Variants in RGS6 observed in about 807,000 individuals in gnomAD.
RGS6 encodes regulator of G-protein signaling 6.
In RGS6, 30 loss-of-function variants were observed where a neutral mutation model predicts 78.5. That is an observed-to-expected ratio of 0.38 (90% CI 0.29 to 0.52). RGS6 has a LOEUF of 0.52. RGS6 is among the 20% of genes least tolerant of loss of function. The probability of loss-of-function intolerance (pLI) is 0.85; values close to 1 mark genes in which losing one functional copy is unlikely to be tolerated. For synonymous variants in RGS6, 206 were observed against 206.0 expected (o/e 1.00, Z 0.00); for missense variants, 495 against 609.7 (o/e 0.81, Z 1.98).
intron 2 of RGS6, among the ~76,000 whole-genome samples, chr14:72,142,581 T>A (rs756606625): frequency 2.6e-5 from 4 of 152,140 alleles, no homozygotes; most frequent in Non-Finnish European, 4.4e-5. Context: ...CCAGCTGGTT[T>A]GGGAAGAGGG....
intron 2 of RGS6, among the ~76,000 whole-genome samples, chr14:72,024,205 A>G (rs1263203284): frequency 6.6e-6 from 1 of 152,186 alleles, no homozygotes; most frequent in African/African-American, 2.4e-5. Flanking sequence ...TAAGAACAGG[A>G]GGAAATAAAA....
intron 2 of RGS6, among the ~76,000 whole-genome samples, chr14:72,161,075 G>A (rs2096845872): frequency 6.6e-6 from 1 of 152,198 alleles, no homozygotes; most frequent in Non-Finnish European, 1.5e-5. Context: ...AAGAGGATGA[G>A]TTCGTGTCCT....
intron 2 of RGS6, among the ~76,000 whole-genome samples, chr14:72,053,712 A>G (rs2093464789): frequency 6.6e-6 from 1 of 152,252 alleles, no homozygotes; most frequent in Admixed American, 6.5e-5. Flanking sequence ...TGGTGAAACT[A>G]GAACACTGTC....
At chr14:72,614,170 G>A in the RGS6 span, among the ~76,000 whole-genome samples, 1 of 152,184 alleles carries the variant, frequency 6.6e-6, no homozygotes, top group African/African-American at 2.4e-5. Flanking sequence ...CCCAAACCCT[G>A]GGAATGCTCA....
chr14:72,463,301 CA>C (rs977008365), intron 6 of RGS6, among the ~76,000 whole-genome samples: 1 of 152,206 alleles, frequency 6.6e-6, no homozygotes, highest in African/African-American at 2.4e-5. Context: ...CTATTGTCAC[CA>C]GTAGTCACTA....
chr14:72,550,613 T>TG, intron 17 of RGS6: 2 of 1,531,902 alleles, frequency 1.3e-6, no homozygotes, highest in Non-Finnish European at 1.7e-6. Flanking sequence ...TGCTCTGTCC[T>TG]GGTTAATACT....
At chr14:72,551,060 G>A (rs984858088) in intron 17 of RGS6, among the ~76,000 whole-genome samples, 13 of 152,202 alleles carry the variant, frequency 8.5e-5, no homozygotes, top group South Asian at 4.2e-4. Flanking sequence ...GGCTGGTCTC[G>A]AACTCCTGGC....
intron 2 of RGS6, among the ~76,000 whole-genome samples, chr14:72,211,121 C>G (rs554957329): frequency 5.3e-5 from 8 of 152,280 alleles, no homozygotes; most frequent in South Asian, 2.1e-4. Context: ...GTCACTGACA[C>G]TAATCTTGGC....
At chr14:72,258,864 GT>G (rs1318570392) in intron 2 of RGS6, among the ~76,000 whole-genome samples, 1 of 152,214 alleles carries the variant, frequency 6.6e-6, no homozygotes, top group Non-Finnish European at 1.5e-5. Context: ...GGGTTAACAA[GT>G]TGTACCTTTT....
intron 2 of RGS6, among the ~76,000 whole-genome samples, chr14:72,197,553 A>AGGGTTAAAT (rs554332253): frequency 9.0e-4 from 137 of 152,360 alleles, no homozygotes; most frequent in African/African-American, 3.2e-3. Flanking sequence ...CCAGAGACCC[A>AGGGTTAAAT]GGGGACAATA....
the RGS6 span, among the ~76,000 whole-genome samples, chr14:71,879,364 A>G: frequency 9.2e-5 from 14 of 152,224 alleles, no homozygotes; most frequent in African/African-American, 1.4e-4. Context: ...GTGGCTTAAG[A>G]GAATTGACTT....
chr14:72,331,499 G>A (rs564465948), intron 2 of RGS6, among the ~76,000 whole-genome samples: 6 of 152,252 alleles, frequency 3.9e-5, no homozygotes, highest in South Asian at 2.1e-4. Flanking sequence ...GGAGTGCAGC[G>A]CAGAAAGCCA....
chr14:72,172,164 G>C (rs1171122682), intron 2 of RGS6, among the ~76,000 whole-genome samples: 1 of 151,928 alleles, frequency 6.6e-6, no homozygotes, highest in East Asian at 1.9e-4. Context: ...TTTCCTAATG[G>C]GCTGCGCTAG....
rs527564781 is a variant in RGS6, at chr14:72,233,339, C to G, written c.85-118756C>G. 1.6e-4 allele frequency among the ~76,000 whole-genome samples: 24 copies of G among 152,214 alleles called. No homozygotes were observed. The East Asian group carries it at 4.6e-3, about 29-fold the overall frequency. ...GCTGGACTCGAAGACCTTTATTTTC[C>G]ACTTGGCCTGGAGCGTCTGTGAGTC... On this transcript the variant is annotated intron_variant, in intron 2 of 17. Transcript: ENST00000553525.
At chr14:71,907,097 A>C in the RGS6 span, among the ~76,000 whole-genome samples, 2 of 152,250 alleles carry the variant, frequency 1.3e-5, no homozygotes, top group Admixed American at 6.5e-5. Flanking sequence ...CATATGTGCC[A>C]GACATGGTAT....
At chr14:72,365,796 A>G (rs1168272816) in intron 3 of RGS6, among the ~76,000 whole-genome samples, 1 of 152,188 alleles carries the variant, frequency 6.6e-6, no homozygotes, top group Admixed American at 6.5e-5. Flanking sequence ...AATAACCTAT[A>G]TTCATCTAAC....
At chr14:72,439,923 T>C (rs2095115695) in intron 3 of RGS6, among the ~76,000 whole-genome samples, 1 of 152,202 alleles carries the variant, frequency 6.6e-6, no homozygotes, top group African/African-American at 2.4e-5. Context: ...GCTACCCCAT[T>C]CGACCTGAGG....
intron 2 of RGS6, among the ~76,000 whole-genome samples, chr14:72,210,628 G>A (rs1219737046): frequency 6.6e-6 from 1 of 152,058 alleles, no homozygotes; most frequent in Non-Finnish European, 1.5e-5. Flanking sequence ...ACTTCCCATT[G>A]CATCTAATCA....
chr14:71,979,828 A>G (rs996643146), intron 2 of RGS6, among the ~76,000 whole-genome samples: 3 of 151,712 alleles, frequency 2.0e-5, no homozygotes, highest in Admixed American at 6.6e-5. Context: ...TGGACTTTCT[A>G]TCTCATTGAT....
Sources: allele counts gnomAD v4.1 joint callset (sites outside exome capture counted in the v4.1 genomes callset), GRCh38; gene constraint gnomAD v4.1.1; transcripts MANE v1.5; gene names NCBI Gene and HGNC (gene_info 2026-07-23, HGNC 2026-07-21).